GSE1: variants seen among roughly 807,000 people sequenced by gnomAD.
GSE1 encodes the protein genetic suppressor element 1.
GSE1 carries 32 observed loss-of-function variants against 112.6 expected under a neutral mutation model. That is an observed-to-expected ratio of 0.28 (90% CI 0.21 to 0.38). The LOEUF is 0.38. Among genes scored for constraint, GSE1 ranks in the 10% least tolerant of loss-of-function variants. The pLI is 1.00. For missense variants in GSE1, 2,348 were observed against 1,699.2 expected (o/e 1.38, Z -6.71); for synonymous variants, 1,115 against 735.6 (o/e 1.52, Z -8.35).
intron 1 of GSE1, among the ~76,000 whole-genome samples, chr16:85,208,907 G>C (rs1048098733): frequency 3.4e-5 from 5 of 147,532 alleles, no homozygotes; most frequent in African/African-American, 1.2e-4. Flanking sequence ...CGTGTGTTGG[G>C]GTTTGCCACG....
chr16:85,655,624 C>A, intron 5 of GSE1, 102 bp from the exon 6 acceptor site: 1 of 701,978 alleles, frequency 1.4e-6, no homozygotes, highest in Non-Finnish European at 2.4e-6. Context: ...ACGTTCCCCA[C>A]GCTCAGGCAG....
intron 1 of GSE1, among the ~76,000 whole-genome samples, chr16:85,603,029 C>T (rs1002213407): frequency 6.6e-6 from 1 of 152,240 alleles, no homozygotes; most frequent in South Asian, 2.1e-4. Context: ...GCTTTCCAGC[C>T]GAGTGGCCAG....
intron 1 of GSE1, among the ~76,000 whole-genome samples, chr16:85,568,032 C>T (rs374929952): frequency 2.6e-5 from 4 of 152,280 alleles, no homozygotes; most frequent in Admixed American, 1.3e-4. Flanking sequence ...GCCTGGGCTC[C>T]ACCTCTTAAT....
chr16:85,491,342 T>C (rs2051003594), intron 2 of GSE1, among the ~76,000 whole-genome samples: 1 of 152,222 alleles, frequency 6.6e-6, no homozygotes, highest in South Asian at 2.1e-4. Flanking sequence ...CGAGGAACAG[T>C]CCCTGCCCTT....
intron 14 of GSE1, 41 bp from the exon 15 acceptor site, chr16:85,670,954 C>A: frequency 7.8e-7 from 1 of 1,282,090 alleles, no homozygotes; most frequent in Non-Finnish European, 1.1e-6. Flanking sequence ...CCTTCGGGCT[C>A]CTGCATACGG....
chr16:85,393,891 G>A (rs912997329), intron 2 of GSE1, among the ~76,000 whole-genome samples: 1 of 152,170 alleles, frequency 6.6e-6, no homozygotes, highest in Non-Finnish European at 1.5e-5. Flanking sequence ...GCAGGGGGTT[G>A]GCCGCCAGCT....
intron 1 of GSE1, among the ~76,000 whole-genome samples, chr16:85,197,366 A>G (rs1567604557): frequency 6.6e-6 from 1 of 152,154 alleles, no homozygotes; most frequent in Non-Finnish European, 1.5e-5. Context: ...AGTTAATTTT[A>G]AAGGACTCCA....
intron 1 of GSE1, among the ~76,000 whole-genome samples, chr16:85,182,432 C>T (rs2074607612): frequency 2.0e-5 from 3 of 152,220 alleles, no homozygotes; most frequent in Non-Finnish European, 2.9e-5. Flanking sequence ...AGGTGTCACT[C>T]CCCTGGCGGC....
chr16:85,361,123 A>G (rs780548115), intron 2 of GSE1, among the ~76,000 whole-genome samples: 14 of 150,178 alleles, frequency 9.3e-5, no homozygotes, highest in Non-Finnish European at 1.3e-4. Context: ...AGACAGAGAC[A>G]GGCACAGACC....
At chr16:85,672,344 C>G in intron 15 of GSE1, 61 bp from the exon 16 acceptor site, 1 of 1,324,052 alleles carries the variant, frequency 7.6e-7, no homozygotes, top group Non-Finnish European at 1.1e-6. Flanking sequence ...TGTTTGTACT[C>G]TACATGCTTG....
intron 1 of GSE1, among the ~76,000 whole-genome samples, chr16:85,624,137 G>A (rs77036965): frequency 0.069 from 10,525 of 152,234 alleles, 572 homozygotes; most frequent in Admixed American, 0.18. Flanking sequence ...CCCCCCGGCC[G>A]CCACCCGCCG....
chr16:85,544,990 T>C (rs1172419261), intron 2 of GSE1, among the ~76,000 whole-genome samples: 1 of 152,230 alleles, frequency 6.6e-6, no homozygotes, highest in Non-Finnish European at 1.5e-5. Flanking sequence ...TATTCCCATA[T>C]TTCTCCTCCC....
At chr16:85,395,189 C>T (rs1027316682) in intron 2 of GSE1, among the ~76,000 whole-genome samples, 14 of 152,164 alleles carry the variant, frequency 9.2e-5, no homozygotes, top group Admixed American at 7.2e-4. Context: ...ATTGGCTTCT[C>T]GAACGTTACC....
At chr16:85,229,976 G>A (rs2075554127) in intron 1 of GSE1, among the ~76,000 whole-genome samples, 1 of 152,210 alleles carries the variant, frequency 6.6e-6, no homozygotes, top group South Asian at 2.1e-4. Context: ...GTCCAGGGCT[G>A]TGCCACATGC....
rs184050747 is a variant in GSE1, at chr16:85,460,930, A to G, written c.2464+103287A>G. ...TGACAGATGGGAAAGGGCTTGGTCC[A>G]GTGGGGTAGAAGTTAAGAGATTTCA... is the stretch of plus-strand genomic sequence containing the variant. On this transcript the variant is annotated intron_variant, in intron 2 of 2. Coordinates refer to the GSE1 transcript ENST00000637419. 6.0e-4 allele frequency among the ~76,000 whole-genome samples: 91 copies of G among 152,348 alleles called. 1 individual carries two copies. The East Asian group carries it at 0.016, about 27-fold the overall frequency.
chr16:85,631,988 C>T (rs932108346), intron 1 of GSE1, among the ~76,000 whole-genome samples: 1 of 152,360 alleles, frequency 6.6e-6, no homozygotes, highest in Admixed American at 6.5e-5. Context: ...GAGCAGAGAG[C>T]AGCTGGCAGG....
intron 2 of GSE1, among the ~76,000 whole-genome samples, chr16:85,644,038 G>A (rs911992498): frequency 6.6e-6 from 1 of 152,084 alleles, no homozygotes; most frequent in Non-Finnish European, 1.5e-5. Context: ...CCATGAAGTA[G>A]GGTGGTGGGG....
Position 85,202,186 on chromosome 16 carries a change from G to T in GSE1, c.2283+30379G>T, listed in dbSNP as rs535788533. ...GAGGAACTGGCACAGGGTTGCCTGG[G>T]CAGTGAGGGCTGGGGCTGGCTGTCC... On this transcript the variant is annotated intron_variant, in intron 1 of 2. Coordinates refer to the GSE1 transcript ENST00000637419. Among the ~76,000 whole-genome samples, 8 of 152,362 alleles carry T rather than the reference G, an allele frequency of 5.3e-5. No homozygotes were observed. In the South Asian group the frequency reaches 1.7e-3, roughly 32 times the overall value.
At chr16:85,650,409 T>G (rs2051236408) in intron 3 of GSE1, among the ~76,000 whole-genome samples, 1 of 152,136 alleles carries the variant, frequency 6.6e-6, no homozygotes, top group African/African-American at 2.4e-5. Context: ...GCCACTTCCC[T>G]GCCCCAGCCT....
Sources: gnomAD v4.1 joint callset for allele counts (sites outside exome capture counted in the v4.1 genomes callset) on GRCh38, gnomAD v4.1.1 for gene constraint, MANE v1.5 for transcripts, NCBI Gene and HGNC (gene_info 2026-07-23, HGNC 2026-07-21) for gene names.